The following RASGRF2 variants were observed in gnomAD, a reference collection of about 807,000 sequenced individuals.
RASGRF2 encodes ras-specific guanine nucleotide-releasing factor 2.
Under a neutral mutation model 151.0 loss-of-function variants are expected in RASGRF2, and 76 were observed. That is an observed-to-expected ratio of 0.50 (90% CI 0.42 to 0.61). RASGRF2 has a LOEUF of 0.61. Ranked by LOEUF, RASGRF2 falls within the 20% of genes least tolerant of loss-of-function variation. The pLI, the probability that RASGRF2 is intolerant of heterozygous loss-of-function variation, is 0.00. For missense variants in RASGRF2, 1,148 were observed against 1,564.6 expected (o/e 0.73, Z 4.49); for synonymous variants, 504 against 566.5 (o/e 0.89, Z 1.57).
chr5:81,085,976 C>A (rs1752218636), intron 8 of RASGRF2, 65 bp downstream of exon 8: 1 of 1,606,386 alleles, frequency 6.2e-7, no homozygotes. Flanking sequence ...CTTGTGGAAA[C>A]CTCCTGTATA....
chr5:81,086,294 T>C (rs1028418457), intron 8 of RASGRF2, among the ~76,000 whole-genome samples: 2 of 152,026 alleles, frequency 1.3e-5, no homozygotes, highest in Non-Finnish European at 2.9e-5. Flanking sequence ...GTGATGATTA[T>C]TTGACCCCAG....
intron 12 of RASGRF2, among the ~76,000 whole-genome samples, chr5:81,096,894 G>A (rs984026682): frequency 2.6e-5 from 4 of 151,876 alleles, no homozygotes; most frequent in Admixed American, 1.3e-4. Flanking sequence ...AATTGTACTA[G>A]ATTATATCTT....
At chr5:81,095,513 C>T (rs866207241) in intron 12 of RASGRF2, among the ~76,000 whole-genome samples, 3 of 152,068 alleles carry the variant, frequency 2.0e-5, no homozygotes, top group African/African-American at 4.8e-5. Flanking sequence ...TGATCAGCAG[C>T]GCCAGTTGGG....
At chr5:80,966,552 T>A (rs553302564) in intron 1 of RASGRF2, among the ~76,000 whole-genome samples, 1 of 152,202 alleles carries the variant, frequency 6.6e-6, no homozygotes, top group Non-Finnish European at 1.5e-5. Flanking sequence ...TTTAGCTGAT[T>A]GAGAAGTTAT....
In RASGRF2 at chr5:81,215,772, T is replaced by A. The variant is rs545790352; in HGVS notation, c.3355-104T>A. 319 of 1,319,738 alleles carry A rather than the reference T, an allele frequency of 2.4e-4. 1 individual carries two copies. The African/African-American group carries it at 4.5e-3, about 19-fold the overall frequency. 81.8% of individuals were successfully genotyped at this position (1,319,738 alleles called of 1,614,324 possible). On this transcript the variant is annotated intron_variant, in intron 23 of 26. Transcript: ENST00000265080. The stretch of plus-strand genomic sequence containing the variant: ...AATGACCTTTATTCTGGCAAAGGTG[T>A]CAGCACCTGTCACCAAAGAAGAGAA...
chr5:81,214,427 G>T (rs906685841), intron 23 of RASGRF2, among the ~76,000 whole-genome samples: 1 of 152,186 alleles, frequency 6.6e-6, no homozygotes, highest in Non-Finnish European at 1.5e-5. Flanking sequence ...GACAACATCC[G>T]CTGTACAGCT....
At chr5:81,113,170 T>A (rs1753049063) in intron 14 of RASGRF2, among the ~76,000 whole-genome samples, 1 of 152,138 alleles carries the variant, frequency 6.6e-6, no homozygotes, top group Non-Finnish European at 1.5e-5. Context: ...ATTATGATTT[T>A]AAAACTTTAA....
chr5:81,116,230 G>A (rs754121764), intron 15 of RASGRF2, among the ~76,000 whole-genome samples: 15 of 151,834 alleles, frequency 9.9e-5, no homozygotes, highest in Admixed American at 2.6e-4. Flanking sequence ...TTACAGGCAC[G>A]CACCATCATG....
At chr5:81,109,558 C>T (rs138502292) in intron 13 of RASGRF2, among the ~76,000 whole-genome samples, 6 of 152,218 alleles carry the variant, frequency 3.9e-5, no homozygotes, top group Non-Finnish European at 7.4e-5. Flanking sequence ...CCCAGCTACT[C>T]GGGAGGCTGA....
intron 1 of RASGRF2, among the ~76,000 whole-genome samples, chr5:80,971,550 A>G (rs928109862): frequency 2.0e-5 from 3 of 148,322 alleles, no homozygotes; most frequent in Admixed American, 2.0e-4. Flanking sequence ...CTACAGGCAC[A>G]TGCCACCACA....
intron 9 of RASGRF2, among the ~76,000 whole-genome samples, chr5:81,088,810 G>GTC (rs1335037521): frequency 6.6e-6 from 1 of 152,082 alleles, no homozygotes; most frequent in Non-Finnish European, 1.5e-5. Flanking sequence ...ATGCTGGAAG[G>GTC]TCAAATACTG....
At chr5:81,094,197 C>A in intron 10 of RASGRF2, 99 bp from the exon 11 acceptor site, 1 of 929,524 alleles carries the variant, frequency 1.1e-6, no homozygotes, top group Admixed American at 2.5e-5. Context: ...AATTGCTATG[C>A]TTTCTTCCAT....
At position 81,196,283 on chromosome 5, in the gene RASGRF2, T is replaced by C. The variant is rs561266219; in HGVS notation, c.2794-5047T>C. ...AAACAAACAAATAACAACAAAAAAT[T>C]ATATACTAAAGGTCACTTTGTACAT... On this transcript the variant is annotated intron_variant, in intron 18 of 26. Coordinates refer to ENST00000265080, the MANE Select transcript of RASGRF2 (RefSeq NM_006909.3). 4.2e-4 allele frequency among the ~76,000 whole-genome samples: 64 copies of C among 152,164 alleles called. No individual in the cohort carries two copies. The South Asian group carries it at 0.012, about 30-fold the overall frequency.
At chr5:81,203,832 G>C (rs1394357502) in intron 19 of RASGRF2, among the ~76,000 whole-genome samples, 1 of 152,242 alleles carries the variant, frequency 6.6e-6, no homozygotes, top group East Asian at 1.9e-4. Flanking sequence ...TCGTAGTAAA[G>C]TGAGTATTAT....
intron 1 of RASGRF2, among the ~76,000 whole-genome samples, chr5:80,973,602 G>C (rs968390516): frequency 2.6e-5 from 4 of 152,210 alleles, no homozygotes; most frequent in South Asian, 4.1e-4. Context: ...AGGCTGGCCT[G>C]GGGGTGCTAT....
chr5:81,187,616 C>T (rs577028360), intron 18 of RASGRF2, among the ~76,000 whole-genome samples: 1 of 152,308 alleles, frequency 6.6e-6, no homozygotes, highest in East Asian at 1.9e-4. Flanking sequence ...GTAAAGGAAC[C>T]AACCAATGAG....
At chr5:80,967,964 A>G (rs1218393179) in intron 1 of RASGRF2, among the ~76,000 whole-genome samples, 1 of 152,250 alleles carries the variant, frequency 6.6e-6, no homozygotes, top group African/African-American at 2.4e-5. Context: ...TAAACTGCAT[A>G]GGATTCAGTC....
At chr5:81,196,661 G>C (rs1430484483) in intron 18 of RASGRF2, among the ~76,000 whole-genome samples, 1 of 149,018 alleles carries the variant, frequency 6.7e-6, no homozygotes, top group Non-Finnish European at 1.5e-5. Flanking sequence ...GGCACAGTAG[G>C]TACTCACTAA....
intron 1 of RASGRF2, among the ~76,000 whole-genome samples, chr5:81,033,012 C>G (rs1200143361): frequency 6.6e-6 from 1 of 152,006 alleles, no homozygotes; most frequent in East Asian, 1.9e-4. Flanking sequence ...AACAGGCAAA[C>G]AGAGAGCCAA....
Sources: gnomAD v4.1 joint callset for allele counts (sites outside exome capture counted in the v4.1 genomes callset) on GRCh38, gnomAD v4.1.1 for gene constraint, MANE v1.5 for transcripts, NCBI Gene and HGNC (gene_info 2026-07-23, HGNC 2026-07-21) for gene names.